ARHGAP44: variants seen among roughly 807,000 people sequenced by gnomAD.
ARHGAP44 encodes rho GTPase-activating protein 44.
In ARHGAP44, 43 loss-of-function variants were observed where a neutral mutation model predicts 106.8. That is an observed-to-expected ratio of 0.40 (90% CI 0.32 to 0.52). The LOEUF is 0.52. Among genes scored for constraint, ARHGAP44 ranks in the 20% least tolerant of loss-of-function variants. The pLI is 0.48. For missense variants in ARHGAP44, 866 were observed against 1,050.5 expected, an observed-to-expected ratio of 0.82 and a Z score of 2.43; for synonymous variants, 439 against 410.3, an observed-to-expected ratio of 1.07 and a Z score of -0.85.
At position 12,792,409 on chromosome 17, in the gene ARHGAP44, G is replaced by A. The variant is rs143568310; in HGVS notation, c.53+2518G>A. 1.0e-3 allele frequency among the ~76,000 whole-genome samples: 156 copies of A among 151,890 alleles called. No individual in the cohort carries two copies. In the Middle Eastern group the frequency reaches 0.014, roughly 13 times the overall value. On this transcript the variant is annotated intron_variant, in intron 1 of 20. Transcript: ENST00000379672. ...ATGCCTGTGTAGATAGTGCAATGCC[G>A]TTTAGACTACTGACTCTCAATCGGT...
intron 7 of ARHGAP44, among the ~76,000 whole-genome samples, chr17:12,932,182 A>G (rs1383515483): frequency 6.6e-6 from 1 of 152,172 alleles, no homozygotes; most frequent in Non-Finnish European, 1.5e-5. Flanking sequence ...CTCGTAATGC[A>G]TGTTGCTCCT....
chr17:12,842,355 T>G (rs1322986278), intron 1 of ARHGAP44, among the ~76,000 whole-genome samples: 3 of 141,380 alleles, frequency 2.1e-5, no homozygotes, highest in Non-Finnish European at 4.5e-5. Flanking sequence ...AGGTCGAGGC[T>G]GTGGTGAGCC....
At chr17:12,837,945 T>C (rs2035285784) in intron 1 of ARHGAP44, among the ~76,000 whole-genome samples, 1 of 152,132 alleles carries the variant, frequency 6.6e-6, no homozygotes, top group African/African-American at 2.4e-5. Context: ...CTTTGACTTC[T>C]CCAGCATCCT....
chr17:12,849,863 G>A (rs1175184389), intron 1 of ARHGAP44, among the ~76,000 whole-genome samples: 1 of 152,006 alleles, frequency 6.6e-6, no homozygotes, highest in Non-Finnish European at 1.5e-5. Context: ...ACTGAGTGTG[G>A]CATGGTTGTC....
intron 7 of ARHGAP44, among the ~76,000 whole-genome samples, chr17:12,938,917 C>T (rs563085124): frequency 6.6e-6 from 1 of 152,164 alleles, no homozygotes; most frequent in Non-Finnish European, 1.5e-5. Flanking sequence ...GTAGGGTCAT[C>T]TGTTAGAGAA....
At chr17:12,895,846 C>G (rs1190681760) in intron 2 of ARHGAP44, among the ~76,000 whole-genome samples, 2 of 152,054 alleles carry the variant, frequency 1.3e-5, no homozygotes, top group Admixed American at 6.6e-5. Flanking sequence ...AGACTTGGAA[C>G]CAACCCAAAT....
intron 19 of ARHGAP44, among the ~76,000 whole-genome samples, chr17:12,983,469 AG>A (rs1242311482): frequency 6.6e-6 from 1 of 152,130 alleles, no homozygotes; most frequent in East Asian, 1.9e-4. Flanking sequence ...AGGATAATGA[AG>A]GTAAGGCAAA....
intron 1 of ARHGAP44, among the ~76,000 whole-genome samples, chr17:12,835,277 C>T: frequency 6.6e-6 from 1 of 152,118 alleles, no homozygotes; most frequent in East Asian, 1.9e-4. Flanking sequence ...GGCTTGCCAA[C>T]ACCCTCAAGA....
At chr17:12,894,411 C>A (rs2037143027) in intron 1 of ARHGAP44, among the ~76,000 whole-genome samples, 1 of 152,052 alleles carries the variant, frequency 6.6e-6, no homozygotes. Context: ...TTAGCTGGGA[C>A]CAGTTCCTCC....
At chr17:12,824,367 A>G (rs1443909161) in intron 1 of ARHGAP44, among the ~76,000 whole-genome samples, 1 of 152,156 alleles carries the variant, frequency 6.6e-6, no homozygotes, top group Admixed American at 6.5e-5. Context: ...GAGAGGCAAA[A>G]GTGGAAGCAG....
intron 3 of ARHGAP44, among the ~76,000 whole-genome samples, chr17:12,902,076 C>G (rs2037390183): frequency 6.6e-6 from 1 of 152,218 alleles, no homozygotes; most frequent in Admixed American, 6.5e-5. Context: ...AATCCAGTAA[C>G]TCACTCTCCT....
At chr17:12,983,741 T>C (rs1247698516) in intron 19 of ARHGAP44, among the ~76,000 whole-genome samples, 1 of 151,272 alleles carries the variant, frequency 6.6e-6, no homozygotes, top group Non-Finnish European at 1.5e-5. Context: ...GAGGCGGAGG[T>C]TGTGGTGAGC....
At position 12,982,011 on chromosome 17, in the gene ARHGAP44, C is replaced by CA. The variant is rs147787642; in HGVS notation, c.1939+1787dup. Among the ~76,000 whole-genome samples the CA allele has an allele frequency of 9.1e-3, 1,371 of 150,188 alleles. 55 individuals are homozygous for CA. In the East Asian group the frequency reaches 0.13, roughly 14 times the overall value. On this transcript the variant is annotated intron_variant, in intron 19 of 20. Coordinates refer to ENST00000379672, the MANE Select transcript of ARHGAP44 (RefSeq NM_014859.6). ...GGGCAGCAAAGCAAAACTCTGTCTC[C>CA]AAAAAAAAAGAGTCCTTTAACTTTC...
chr17:12,828,028 CAAAAAAAAA>C (rs60301804), intron 1 of ARHGAP44, among the ~76,000 whole-genome samples: 1 of 73,924 alleles, frequency 1.4e-5, no homozygotes, highest in Non-Finnish European at 2.9e-5. Flanking sequence ...CTGGCCATCT[CAAAAAAAAA>C]AAAAAAAAAA....
intron 3 of ARHGAP44, 114 bp from the exon 4 acceptor site, chr17:12,908,783 A>T: frequency 1.3e-6 from 1 of 791,876 alleles, no homozygotes; most frequent in Non-Finnish European, 2.1e-6. Context: ...TTTTAAAGTT[A>T]GCTTGTTTCA....
Position 12,795,619 on chromosome 17 carries a change from G to A in ARHGAP44, c.53+5728G>A, listed in dbSNP as rs190202332. ...CATACAAATATACTGGTAATTTATG[G>A]TCATTCCTTTTAGAGGGGATTAGTA... On this transcript the variant is annotated intron_variant, in intron 1 of 20. Transcript: ENST00000379672. Among the ~76,000 whole-genome samples the A allele has an allele frequency of 3.2e-3, 490 of 151,840 alleles. 5 individuals carry two copies. Among genetic ancestry groups the A allele is most frequent in the African/African-American group, 0.011 (470 of 41,370 alleles).
chr17:12,938,527 T>C (rs1470306551), intron 7 of ARHGAP44, among the ~76,000 whole-genome samples: 3 of 144,694 alleles, frequency 2.1e-5, no homozygotes, highest in Non-Finnish European at 4.5e-5. Flanking sequence ...TTTCATACCA[T>C]AGAGCAGTCT....
At chr17:12,872,934 G>A (rs2036444956) in intron 1 of ARHGAP44, among the ~76,000 whole-genome samples, 1 of 152,140 alleles carries the variant, frequency 6.6e-6, no homozygotes, top group South Asian at 2.1e-4. Context: ...CAATTCCGCG[G>A]TAACATTGTT....
intron 20 of ARHGAP44, among the ~76,000 whole-genome samples, chr17:12,989,116 A>AC (rs2040040026): frequency 1.4e-5 from 2 of 146,438 alleles, no homozygotes; most frequent in East Asian, 2.0e-4. Flanking sequence ...AAAAAAAAAA[A>AC]AAAAAAAAAC....
Sources: allele counts gnomAD v4.1 joint callset (sites outside exome capture counted in the v4.1 genomes callset), GRCh38; gene constraint gnomAD v4.1.1; transcripts MANE v1.5; gene names NCBI Gene and HGNC (gene_info 2026-07-23, HGNC 2026-07-21).